HS6ST3: variants seen among roughly 807,000 people sequenced by gnomAD.
HS6ST3 encodes the protein heparan sulfate 6-O-sulfotransferase 3.
HS6ST3 carries 12 observed loss-of-function variants against 36.7 expected under a neutral mutation model. That is an observed-to-expected ratio of 0.33 (90% CI 0.21 to 0.53). The LOEUF is 0.53. Ranked by LOEUF, HS6ST3 falls within the 20% of genes least tolerant of loss-of-function variation. The pLI is 0.95. For synonymous variants in HS6ST3, 240 were observed against 257.5 expected (o/e 0.93, Z 0.65); for missense variants, 584 against 640.9 (o/e 0.91, Z 0.96).
chr13:96,374,984 G>T (rs565294360), intron 1 of HS6ST3, among the ~76,000 whole-genome samples: 2 of 152,168 alleles, frequency 1.3e-5, no homozygotes, highest in East Asian at 3.9e-4. Context: ...GCCCTAGGAG[G>T]TTGGCTCCTG....
chr13:96,293,141 TATTAAAC>T (rs1448968349), intron 1 of HS6ST3, among the ~76,000 whole-genome samples: 1 of 152,140 alleles, frequency 6.6e-6, no homozygotes, highest in Non-Finnish European at 1.5e-5. Context: ...CTTATAAAAT[TATTAAAC>T]AATAGGGTTG....
At chr13:96,449,867 AATG>A in intron 1 of HS6ST3, among the ~76,000 whole-genome samples, 1 of 152,288 alleles carries the variant, frequency 6.6e-6, no homozygotes, top group South Asian at 2.1e-4. Flanking sequence ...CCATTATAAA[AATG>A]ATGATAGAAT....
chr13:96,646,215 G>A (rs1029420768), intron 1 of HS6ST3, among the ~76,000 whole-genome samples: 3 of 152,132 alleles, frequency 2.0e-5, no homozygotes, highest in African/African-American at 7.2e-5. Flanking sequence ...TTGGATGCAT[G>A]TCATTGGAAT....
intron 1 of HS6ST3, among the ~76,000 whole-genome samples, chr13:96,437,952 A>G (rs2055651353): frequency 6.6e-6 from 1 of 152,216 alleles, no homozygotes; most frequent in Non-Finnish European, 1.5e-5. Context: ...TGACAGTCAG[A>G]GGCACAGACA....
At chr13:96,182,334 C>A (rs2054243904) in intron 1 of HS6ST3, among the ~76,000 whole-genome samples, 1 of 152,122 alleles carries the variant, frequency 6.6e-6, no homozygotes, top group African/African-American at 2.4e-5. Flanking sequence ...GTATGCTGGG[C>A]CATAAAGGCG....
intron 1 of HS6ST3, among the ~76,000 whole-genome samples, chr13:96,284,950 T>G (rs1046182041): frequency 2.0e-4 from 30 of 148,018 alleles, no homozygotes; most frequent in African/African-American, 4.4e-4. Flanking sequence ...TTTCTTTCTT[T>G]CTTTCTTTCT....
chr13:96,166,021 GTTAT>G (rs143510611), intron 1 of HS6ST3, among the ~76,000 whole-genome samples: 55,791 of 144,498 alleles, frequency 0.39, 10,966 homozygotes, highest in East Asian at 0.48. Flanking sequence ...GGTGGAAGGG[GTTAT>G]TTATTTATTT....
At chr13:96,248,309 C>T (rs1378541880) in intron 1 of HS6ST3, among the ~76,000 whole-genome samples, 1 of 152,156 alleles carries the variant, frequency 6.6e-6, no homozygotes, top group Non-Finnish European at 1.5e-5. Context: ...TGCATAGCTT[C>T]TGTGACCTCC....
At chr13:96,128,519 C>A (rs111302148) in intron 1 of HS6ST3, among the ~76,000 whole-genome samples, 3,055 of 152,282 alleles carry the variant, frequency 0.02, 88 homozygotes, top group African/African-American at 0.068. Context: ...GAAGGTGCTG[C>A]ATGGTTTTGC....
intron 1 of HS6ST3, among the ~76,000 whole-genome samples, chr13:96,720,356 C>G (rs1238631908): frequency 6.6e-6 from 1 of 152,168 alleles, no homozygotes; most frequent in Non-Finnish European, 1.5e-5. Context: ...ACTAAACCTA[C>G]AGGATGCCTC....
At chr13:96,746,290 G>A (rs1432138768) in intron 1 of HS6ST3, among the ~76,000 whole-genome samples, 1 of 152,034 alleles carries the variant, frequency 6.6e-6, no homozygotes, top group Admixed American at 6.6e-5. Flanking sequence ...CAAGGTCATA[G>A]ACTTGATATA....
At chr13:96,662,970 T>C (rs529116295) in intron 1 of HS6ST3, among the ~76,000 whole-genome samples, 1 of 152,286 alleles carries the variant, frequency 6.6e-6, no homozygotes, top group African/African-American at 2.4e-5. Context: ...GGAGGTGCTC[T>C]CTGTTCTTTC....
At chr13:96,175,839 T>C (rs987814359) in intron 1 of HS6ST3, among the ~76,000 whole-genome samples, 10 of 152,162 alleles carry the variant, frequency 6.6e-5, no homozygotes, top group African/African-American at 2.2e-4. Flanking sequence ...TTCTTTCTTT[T>C]TTTTTTTCTT....
chr13:96,761,680 A>G (rs545954256), intron 1 of HS6ST3, among the ~76,000 whole-genome samples: 1 of 152,296 alleles, frequency 6.6e-6, no homozygotes, highest in African/African-American at 2.4e-5. Flanking sequence ...TTTATTTCAT[A>G]CATTCCCATA....
intron 1 of HS6ST3, among the ~76,000 whole-genome samples, chr13:96,632,463 T>G (rs1286463733): frequency 6.6e-6 from 1 of 152,196 alleles, no homozygotes; most frequent in Non-Finnish European, 1.5e-5. Context: ...TTTTGGGGGC[T>G]CCTGGATATC....
chr13:96,328,761 C>A (rs957660266), intron 1 of HS6ST3, among the ~76,000 whole-genome samples: 108 of 152,254 alleles, frequency 7.1e-4, no homozygotes, highest in African/African-American at 2.1e-3. Flanking sequence ...GAATGGTACC[C>A]GTTCCTCCTT....
chr13:96,817,684 T>C (rs1177247174), intron 1 of HS6ST3, among the ~76,000 whole-genome samples: 1 of 152,202 alleles, frequency 6.6e-6, no homozygotes. Flanking sequence ...GTGTATGCTT[T>C]GAATTGTTTT....
chr13:96,358,631 T>C (rs2055221672), intron 1 of HS6ST3, among the ~76,000 whole-genome samples: 1 of 152,084 alleles, frequency 6.6e-6, no homozygotes, highest in African/African-American at 2.4e-5. Flanking sequence ...GATAGTGGGT[T>C]AAAAATAAAA....
At chr13:96,782,150 C>A (rs1238233039) in intron 1 of HS6ST3, among the ~76,000 whole-genome samples, 4 of 152,152 alleles carry the variant, frequency 2.6e-5, no homozygotes, top group Non-Finnish European at 5.9e-5. Context: ...TGGTTTTCTT[C>A]AGAGAACACA....
Sources: allele counts gnomAD v4.1 joint callset (sites outside exome capture counted in the v4.1 genomes callset), GRCh38; gene constraint gnomAD v4.1.1; transcripts MANE v1.5; gene names NCBI Gene and HGNC (gene_info 2026-07-23, HGNC 2026-07-21).